SNX25: variants seen among roughly 807,000 people sequenced by gnomAD.
SNX25 encodes sorting nexin-25.
SNX25 carries 62 observed loss-of-function variants against 113.7 expected under a neutral mutation model. The ratio of observed to expected loss-of-function variants is 0.55; its 90% CI spans 0.44 to 0.67. The LOEUF is 0.67. Ranked by LOEUF, SNX25 falls within the 30% of genes least tolerant of loss-of-function variation. The pLI, the probability that SNX25 is intolerant of heterozygous loss-of-function variation, is 0.00. For synonymous variants in SNX25, 421 were observed against 436.2 expected (o/e 0.97, Z 0.43); for missense variants, 1,014 against 1,161.0 (o/e 0.87, Z 1.84).
chr4:185,366,060 T>C (rs2095387090), downstream of SNX25: 1 of 152,216 alleles, frequency 6.6e-6, no homozygotes. Flanking sequence ...ATTTATAAAA[T>C]AAAGCCACAT....
chr4:185,307,435 C>T lies in SNX25; in HGVS notation c.1163-3200C>T, dbSNP rs533554434. Among the ~76,000 whole-genome samples, 6 of 152,300 alleles carry T rather than the reference C, an allele frequency of 3.9e-5. No individual in the cohort carries two copies. The East Asian group carries it at 7.7e-4, about 20-fold the overall frequency. Reference sequence around the variant, plus strand: ...AGGGAGGAGCATTCTGTTTCTCTAGCGGTCCTCTGGGCCCTGAGCATTCCT... The same window carrying T: ...AGGGAGGAGCATTCTGTTTCTCTAGTGGTCCTCTGGGCCCTGAGCATTCCT... On this transcript the variant is annotated intron_variant, in intron 6 of 18. Transcript: ENST00000652585.
At position 185,209,606 on chromosome 4, in the gene SNX25, C is replaced by G. The variant is rs1275471434; in HGVS notation, c.-221C>G. On this transcript the variant is annotated 5_prime_UTR_variant, in exon 1 of 19. Coordinates refer to ENST00000652585, the MANE Select transcript of SNX25 (RefSeq NM_001378034.2). This position sits in a 1 kb window ranked among gnomAD's most constrained non-coding sequence, Gnocchi z 5.2. ...CAGGCTGGCCAGGCTTCAGTCACAACACGGTGGGGCTCCCTGGCTGCGCCC... is the reference window on the plus strand; with the variant it reads ...CAGGCTGGCCAGGCTTCAGTCACAAGACGGTGGGGCTCCCTGGCTGCGCCC... The G allele has an allele frequency of 2.4e-6, 1 of 415,520 alleles. No homozygotes were observed. The highest frequency in any genetic ancestry group is 3.2e-6 in the Non-Finnish European group (1 of 309,094). The allele number at this position is 415,520 out of a possible 1,614,324, so 25.7% of individuals were successfully genotyped here. A position where few individuals can be genotyped will look rare whatever the true frequency, so the allele number is the denominator to read the frequency against.
downstream of SNX25, among the ~76,000 whole-genome samples, chr4:185,374,654 A>T (rs2095427205): frequency 6.6e-6 from 1 of 152,164 alleles, no homozygotes. Context: ...CTAAAAGTAC[A>T]TCTCCTACTC....
At chr4:185,220,826 C>A (rs965954093) in intron 1 of SNX25, among the ~76,000 whole-genome samples, 4 of 151,994 alleles carry the variant, frequency 2.6e-5, no homozygotes, top group Non-Finnish European at 4.4e-5. Context: ...CATAGGCACT[C>A]CATCAAGTCC....
chr4:185,252,525 A>G (rs1177421609), intron 2 of SNX25, among the ~76,000 whole-genome samples: 1 of 152,176 alleles, frequency 6.6e-6, no homozygotes, highest in African/African-American at 2.4e-5. Flanking sequence ...CCTCCTTGGA[A>G]GCTAATTTAA....
At chr4:185,328,081 A>G (rs934285321) in intron 9 of SNX25, among the ~76,000 whole-genome samples, 1 of 152,182 alleles carries the variant, frequency 6.6e-6, no homozygotes, top group Non-Finnish European at 1.5e-5. Context: ...TCTTAGGCCA[A>G]TTAATTAGAG....
rs563932799 is a variant in SNX25 at position 185,262,795 on chromosome 4, C to G, written c.732-1643C>G. 2.6e-5 allele frequency among the ~76,000 whole-genome samples: 4 copies of G among 152,328 alleles called. No homozygotes were observed. The East Asian group carries it at 7.7e-4, about 29-fold the overall frequency. ...CAGAGGTACGTAGTAGGAATCACAG[C>G]AAACAAATGATTGATCCACACGGAA... On this transcript the variant is annotated intron_variant, in intron 3 of 18. Coordinates refer to ENST00000652585, the MANE Select transcript of SNX25 (RefSeq NM_001378034.2).
Position 185,239,311 on chromosome 4 carries a change from G to A in SNX25, c.430-7983G>A, listed in dbSNP as rs185992844. Among the ~76,000 whole-genome samples the A allele has an allele frequency of 3.6e-3, 543 of 151,878 alleles. 2 individuals are homozygous for A. The highest frequency in any genetic ancestry group is 8.2e-3 in the African/African-American group (338 of 41,368). ...ATCCTGGCCAACACGGTGAAACTCC[G>A]TCTCTACTAAAAATGCAAAAAATTA... is the stretch of plus-strand genomic sequence containing the variant. On this transcript the variant is annotated intron_variant, in intron 1 of 18. Coordinates refer to ENST00000652585, the MANE Select transcript of SNX25 (RefSeq NM_001378034.2).
downstream of SNX25, chr4:185,374,422 G>A: frequency 1.2e-6 from 2 of 1,614,070 alleles, no homozygotes; most frequent in South Asian, 1.1e-5. Context: ...TTGGGACATG[G>A]AGAATCAAGA....
intron 8 of SNX25, among the ~76,000 whole-genome samples, chr4:185,322,519 A>G (rs1165183813): frequency 6.6e-6 from 1 of 152,230 alleles, no homozygotes; most frequent in Non-Finnish European, 1.5e-5. Context: ...TGCCAAATAT[A>G]TTGTAAGTCA....
chr4:185,372,712 C>T (rs979985866), downstream of SNX25: 16 of 618,460 alleles, frequency 2.6e-5, no homozygotes, highest in Non-Finnish European at 3.6e-5. Flanking sequence ...TCTGCTGTCA[C>T]GTGAGGACAT....
At chr4:185,321,614 A>T (rs184853577) in intron 8 of SNX25, among the ~76,000 whole-genome samples, 1 of 152,318 alleles carries the variant, frequency 6.6e-6, no homozygotes, top group Non-Finnish European at 1.5e-5. Context: ...TTTGGGGTAC[A>T]CATACATCTT....
chr4:185,259,950 C>G (rs1360026197), intron 3 of SNX25, among the ~76,000 whole-genome samples: 3 of 152,080 alleles, frequency 2.0e-5, no homozygotes, highest in Non-Finnish European at 4.4e-5. Context: ...CTCTTCTTCC[C>G]TCCCTCAGGT....
intron 5 of SNX25, among the ~76,000 whole-genome samples, chr4:185,286,288 T>C (rs931829936): frequency 2.0e-5 from 3 of 152,094 alleles, no homozygotes; most frequent in African/African-American, 7.2e-5. Context: ...GCCAACTTTT[T>C]AATTTTTTGT....
chr4:185,297,551 C>G (rs1336248015), intron 6 of SNX25, among the ~76,000 whole-genome samples: 1 of 152,226 alleles, frequency 6.6e-6, no homozygotes, highest in Non-Finnish European at 1.5e-5. Context: ...GCATCATCAT[C>G]TGTCTCAGTC....
downstream of SNX25, chr4:185,370,600 T>C (rs2293367): frequency 1.4e-3 from 2,307 of 1,597,390 alleles, 18 homozygotes; most frequent in East Asian, 0.023. Flanking sequence ...AGCCTGGCAG[T>C]TTCTCTTTGG....
In SNX25 at chr4:185,261,479, A is replaced by T. The variant is rs1252927125; in HGVS notation, c.731+2415A>T. ...GTGAGCCACTGTGCCCGGCTTGAGG[A>T]CAGTATTTTAAATCAATGTTTATTC... On this transcript the variant is annotated intron_variant, in intron 3 of 18. Transcript: ENST00000652585. Among the ~76,000 whole-genome samples the T allele has an allele frequency of 2.0e-5, 3 of 152,158 alleles. No homozygotes were observed. The East Asian group carries it at 5.8e-4, about 29-fold the overall frequency.
chr4:185,288,375 A>G (rs1751646658), intron 6 of SNX25, among the ~76,000 whole-genome samples: 1 of 152,108 alleles, frequency 6.6e-6, no homozygotes, highest in Non-Finnish European at 1.5e-5. Context: ...TTTAAACTAA[A>G]CATGATTACA....
upstream of SNX25, chr4:185,207,717 T>C (rs1045561745): frequency 2.6e-5 from 4 of 152,208 alleles, no homozygotes; most frequent in African/African-American, 9.7e-5. Context: ...CTTTGCAATG[T>C]TGAGCATGTC....
Sources: gnomAD v4.1 joint callset for allele counts (sites outside exome capture counted in the v4.1 genomes callset) on GRCh38, gnomAD v4.1.1 for gene constraint, Gnocchi (gnomAD v3.1) non-coding constraint, MANE v1.5 for transcripts, NCBI Gene and HGNC (gene_info 2026-07-23, HGNC 2026-07-21) for gene names.